Variants in RASGRP3 observed in about 807,000 individuals in gnomAD.
The protein encoded by RASGRP3 is ras guanyl-releasing protein 3.
In RASGRP3, 54 loss-of-function variants were observed where a neutral mutation model predicts 82.7. The ratio of observed to expected loss-of-function variants is 0.65; its 90% CI spans 0.52 to 0.82. The LOEUF (loss-of-function observed/expected upper bound fraction) is 0.82, where lower values mean the gene tolerates loss of function less well. Ranked by LOEUF, RASGRP3 falls within the 40% of genes least tolerant of loss-of-function variation. The pLI, the probability that RASGRP3 is intolerant of heterozygous loss-of-function variation, is 0.00. For missense variants in RASGRP3, 861 were observed against 828.9 expected (o/e 1.04, Z -0.48); for synonymous variants, 309 against 300.5 (o/e 1.03, Z -0.29).
chr2:33,558,299 T>C lies in RASGRP3; in HGVS notation c.1668T>C (p.Gly556=). 6.2e-7 allele frequency: 1 copy of C among 1,613,718 alleles called. No homozygotes were observed. Among genetic ancestry groups the C allele is most frequent in the Non-Finnish European group, 8.5e-7 (1 of 1,179,852 alleles). The change falls in exon 16 of 18, where the codon GGT becomes GGC. Residue 556 remains glycine, a synonymous_variant. Coordinates refer to ENST00000403687, the MANE Select transcript of RASGRP3 (RefSeq NM_001139488.2). ...RFARAPSLSS[G]HGSLPGSPSL... ...CCCGGGCGCCCTCCTTGAGCAGTGGTCATGGGTCACTGCCTGGAAGCCCCT... is the reference window on the plus strand; with the variant it reads ...CCCGGGCGCCCTCCTTGAGCAGTGGCCATGGGTCACTGCCTGGAAGCCCCT...
intron 2 of RASGRP3, among the ~76,000 whole-genome samples, chr2:33,450,131 G>T (rs1207673533): frequency 1.3e-5 from 2 of 152,042 alleles, no homozygotes; most frequent in East Asian, 1.9e-4. Context: ...AACTAAAATT[G>T]TATATATTTA....
At chr2:33,466,553 C>T (rs1317788240) in intron 2 of RASGRP3, among the ~76,000 whole-genome samples, 1 of 152,070 alleles carries the variant, frequency 6.6e-6, no homozygotes, top group African/African-American at 2.4e-5. Flanking sequence ...GTGGTGGGTG[C>T]CTGTAGTCCC....
rs193301032 is a variant in RASGRP3, at chr2:33,495,851, C to T, written c.-260-15859C>T. 1.5e-3 allele frequency among the ~76,000 whole-genome samples: 225 copies of T among 152,338 alleles called. 1 individual carries two copies. The highest frequency in any genetic ancestry group is 5.2e-3 in the African/African-American group (218 of 41,586). On this transcript the variant is annotated intron_variant, in intron 1 of 17. Transcript: ENST00000403687. ...AAATGGTAATGTCACTTGGTCTCAA[C>T]TTGGGGAGACAGCCGAAGGTAGGAG...
At chr2:33,560,559 T>TG (rs1574513816) in intron 17 of RASGRP3, among the ~76,000 whole-genome samples, 1 of 152,210 alleles carries the variant, frequency 6.6e-6, no homozygotes, top group Admixed American at 6.5e-5. Flanking sequence ...CAGATTCTCC[T>TG]GGGGGGTATG....
intron 1 of RASGRP3, among the ~76,000 whole-genome samples, chr2:33,502,800 C>T (rs2150983583): frequency 6.6e-6 from 1 of 152,274 alleles, no homozygotes; most frequent in Non-Finnish European, 1.5e-5. Flanking sequence ...CAGGTGTGAG[C>T]CACCATGCCC....
At chr2:33,476,633 C>T (rs1411679722), upstream of RASGRP3, 1 of 152,232 alleles carries the variant, frequency 6.6e-6, no homozygotes, top group East Asian at 1.9e-4. Context: ...AACAGCTGCT[C>T]TCGGCGTGCT....
chr2:33,536,259 G>A (rs980117794), intron 11 of RASGRP3, among the ~76,000 whole-genome samples: 6 of 143,630 alleles, frequency 4.2e-5, no homozygotes, highest in South Asian at 2.3e-4. Context: ...CTGAGATCAC[G>A]CCACTGCACT....
At chr2:33,460,897 T>TAAA (rs1481893862) in intron 2 of RASGRP3, among the ~76,000 whole-genome samples, 1 of 152,220 alleles carries the variant, frequency 6.6e-6, no homozygotes, top group Non-Finnish European at 1.5e-5. Context: ...GACTATGTGA[T>TAAA]AATGTGAGTA....
chr2:33,558,441 CGCTAA>C, intron 16 of RASGRP3, 105 bp downstream of exon 16: 1 of 1,533,708 alleles, frequency 6.5e-7, no homozygotes, highest in Non-Finnish European at 8.9e-7. Flanking sequence ...TCACTCTAAA[CGCTAA>C]GGCCTTCTTT....
At chr2:33,468,259 T>C (rs1666841094) in intron 2 of RASGRP3, among the ~76,000 whole-genome samples, 1 of 152,164 alleles carries the variant, frequency 6.6e-6, no homozygotes, top group African/African-American at 2.4e-5. Flanking sequence ...TAATCACTAT[T>C]AAAAATTTGA....
intron 4 of RASGRP3, among the ~76,000 whole-genome samples, chr2:33,519,342 C>T (rs772097161): frequency 1.2e-4 from 18 of 152,244 alleles, no homozygotes; most frequent in African/African-American, 3.1e-4. Flanking sequence ...CTCGGCCAGG[C>T]GCGGTGGCTC....
intron 2 of RASGRP3, among the ~76,000 whole-genome samples, chr2:33,454,115 T>A (rs1014033968): frequency 1.3e-5 from 2 of 151,988 alleles, no homozygotes; most frequent in Admixed American, 6.6e-5. Context: ...GTTACTTTGA[T>A]TTAACACTGA....
At chr2:33,459,807 C>T (rs1376678742) in intron 2 of RASGRP3, among the ~76,000 whole-genome samples, 1 of 152,132 alleles carries the variant, frequency 6.6e-6, no homozygotes, top group Non-Finnish European at 1.5e-5. Context: ...GACTGGGGGA[C>T]AGAGGCCTTA....
chr2:33,518,792 G>A (rs143900135), intron 4 of RASGRP3, among the ~76,000 whole-genome samples: 60 of 152,044 alleles, frequency 3.9e-4, no homozygotes, highest in Non-Finnish European at 7.4e-4. Context: ...GTTTACACAG[G>A]CTCAGGATCA....
intron 13 of RASGRP3, 44 bp from the exon 14 acceptor site, chr2:33,549,560 C>A (rs1371871077): frequency 1.9e-6 from 3 of 1,570,134 alleles, no homozygotes; most frequent in African/African-American, 1.3e-5. Flanking sequence ...TACTTAGCAA[C>A]CTGTTATTTA....
intron 14 of RASGRP3, 106 bp downstream of exon 14, chr2:33,549,857 C>A: frequency 7.6e-7 from 1 of 1,323,004 alleles, no homozygotes; most frequent in Non-Finnish European, 1.0e-6. Flanking sequence ...TGCTTTGAAT[C>A]AGAAGTAAAA....
chr2:33,448,936 C>G (rs1665642832), intron 2 of RASGRP3, among the ~76,000 whole-genome samples: 1 of 152,124 alleles, frequency 6.6e-6, no homozygotes, highest in South Asian at 2.1e-4. Flanking sequence ...CCTCTGGGAA[C>G]CAGATATAAC....
At chr2:33,440,812 C>T (rs1032600251) in intron 1 of RASGRP3, among the ~76,000 whole-genome samples, 3 of 152,132 alleles carry the variant, frequency 2.0e-5, no homozygotes, top group South Asian at 2.1e-4. Flanking sequence ...CTAAAACATA[C>T]TTATTTTACA....
At chr2:33,546,438 AG>A (rs1028785019) in intron 13 of RASGRP3, among the ~76,000 whole-genome samples, 5 of 151,442 alleles carry the variant, frequency 3.3e-5, no homozygotes, top group East Asian at 2.0e-4. Context: ...AAAAAAAAAA[AG>A]AAAGTCAAAA....
Sources: allele counts gnomAD v4.1 joint callset (sites outside exome capture counted in the v4.1 genomes callset), GRCh38; gene constraint gnomAD v4.1.1; transcripts MANE v1.5; gene names NCBI Gene and HGNC (gene_info 2026-07-23, HGNC 2026-07-21).